Variants in CNTNAP2 observed in about 807,000 individuals in gnomAD.
The protein encoded by CNTNAP2 is contactin associated protein 2.
Under a neutral mutation model 155.2 loss-of-function variants are expected in CNTNAP2, and 98 were observed. That is an observed-to-expected ratio of 0.63 (90% CI 0.54 to 0.75). CNTNAP2 has a LOEUF of 0.75. CNTNAP2 is among the 30% of genes least tolerant of loss of function. The pLI, the probability that CNTNAP2 is intolerant of heterozygous loss-of-function variation, is 0.00. For missense variants in CNTNAP2, 1,727 were observed against 1,688.1 expected (o/e 1.02, Z -0.40); for synonymous variants, 651 against 631.2 (o/e 1.03, Z -0.47).
At chr7:147,852,980 A>G (rs1406227005) in intron 13 of CNTNAP2, among the ~76,000 whole-genome samples, 1 of 152,184 alleles carries the variant, frequency 6.6e-6, no homozygotes, top group Non-Finnish European at 1.5e-5. Flanking sequence ...AAGTTGGCCC[A>G]CAGATGGAAG....
chr7:148,258,119 G>A (rs1796488936), intron 20 of CNTNAP2, among the ~76,000 whole-genome samples: 1 of 152,338 alleles, frequency 6.6e-6, no homozygotes, highest in East Asian at 1.9e-4. Flanking sequence ...AAAGTCCAGA[G>A]GTGAGGTGTT....
At chr7:147,912,542 C>G (rs1325785474) in intron 14 of CNTNAP2, among the ~76,000 whole-genome samples, 1 of 152,200 alleles carries the variant, frequency 6.6e-6, no homozygotes, top group Non-Finnish European at 1.5e-5. Context: ...TTCAGCAAGA[C>G]TTGACAAGGA....
At chr7:147,213,667 G>A (rs949063382) in intron 8 of CNTNAP2, among the ~76,000 whole-genome samples, 1 of 152,028 alleles carries the variant, frequency 6.6e-6, no homozygotes, top group Non-Finnish European at 1.5e-5. Context: ...GATTTATTAG[G>A]GATACTAGCT....
At chr7:146,754,200 A>T (rs1201010379) in intron 1 of CNTNAP2, among the ~76,000 whole-genome samples, 1 of 152,026 alleles carries the variant, frequency 6.6e-6, no homozygotes, top group East Asian at 1.9e-4. Flanking sequence ...CAGAAGGTAT[A>T]CTCAAATGCT....
chr7:147,621,438 TAGAC>T (rs1478989657), intron 12 of CNTNAP2, among the ~76,000 whole-genome samples: 3 of 151,866 alleles, frequency 2.0e-5, no homozygotes, highest in African/African-American at 7.3e-5. Context: ...TTTGAAGACA[TAGAC>T]AGTACAATAA....
chr7:147,413,074 A>G (rs142860747), intron 10 of CNTNAP2, among the ~76,000 whole-genome samples: 6 of 152,308 alleles, frequency 3.9e-5, no homozygotes, highest in Admixed American at 2.0e-4. Context: ...CTTCCCACCT[A>G]TCCTCTTCGA....
intron 11 of CNTNAP2, among the ~76,000 whole-genome samples, chr7:147,507,510 G>A (rs1349848419): frequency 6.7e-6 from 1 of 149,794 alleles, no homozygotes; most frequent in Non-Finnish European, 1.5e-5. Context: ...TTATATAAAT[G>A]GGACATCTAT....
intron 1 of CNTNAP2, among the ~76,000 whole-genome samples, chr7:146,212,894 C>G (rs1799058186): frequency 6.6e-6 from 1 of 152,102 alleles, no homozygotes; most frequent in Non-Finnish European, 1.5e-5. Context: ...GCTAATATCT[C>G]CCCCTTACTG....
chr7:147,774,122 C>T (rs908311605), intron 13 of CNTNAP2, among the ~76,000 whole-genome samples: 6 of 152,052 alleles, frequency 3.9e-5, no homozygotes, highest in Admixed American at 3.9e-4. Flanking sequence ...TAATAATGCC[C>T]TTTTCTGCTT....
At chr7:146,901,202 G>A (rs1335611015) in intron 3 of CNTNAP2, among the ~76,000 whole-genome samples, 2 of 152,020 alleles carry the variant, frequency 1.3e-5, no homozygotes, top group African/African-American at 2.4e-5. Context: ...GGAATATTAT[G>A]GAGAAAATAA....
At chr7:147,772,479 TATATAC>T (rs1266643938) in intron 13 of CNTNAP2, among the ~76,000 whole-genome samples, 2 of 107,072 alleles carry the variant, frequency 1.9e-5, no homozygotes, top group African/African-American at 8.5e-5. Flanking sequence ...TATATATATA[TATATAC>T]ACACACAAAA....
Position 147,934,136 on chromosome 7 carries a change from C to T in CNTNAP2, c.2255+30415C>T, listed in dbSNP as rs140155278. Among the ~76,000 whole-genome samples the T allele has an allele frequency of 1.4e-3, 215 of 152,244 alleles. 1 individual carries two copies. The highest frequency in any genetic ancestry group is 4.5e-3 in the African/African-American group (185 of 41,538). ...AGATGGGTATACAACGTAGTGCTTA[C>T]GGTTAACAATACTGTACACTTAAAA... On this transcript the variant is annotated intron_variant, in intron 14 of 23. Coordinates refer to ENST00000361727, the MANE Select transcript of CNTNAP2 (RefSeq NM_014141.6).
At chr7:147,040,311 G>A (rs1799234477) in intron 3 of CNTNAP2, among the ~76,000 whole-genome samples, 1 of 152,144 alleles carries the variant, frequency 6.6e-6, no homozygotes, top group African/African-American at 2.4e-5. Flanking sequence ...AATGAAAGGT[G>A]AATGAATAAA....
At chr7:148,381,894 C>G (rs1421389893) in intron 21 of CNTNAP2, among the ~76,000 whole-genome samples, 1 of 152,114 alleles carries the variant, frequency 6.6e-6, no homozygotes, top group African/African-American at 2.4e-5. Context: ...GAATTGGTCC[C>G]AGCCAAGGGT....
chr7:146,169,307 A>T (rs1241368288), intron 1 of CNTNAP2, among the ~76,000 whole-genome samples: 1 of 152,226 alleles, frequency 6.6e-6, no homozygotes, highest in Non-Finnish European at 1.5e-5. Context: ...TATGTCAAGA[A>T]TCTAAAGTAG....
intron 10 of CNTNAP2, among the ~76,000 whole-genome samples, chr7:147,471,967 A>G (rs1401823128): frequency 6.6e-6 from 1 of 152,186 alleles, no homozygotes; most frequent in Admixed American, 6.5e-5. Context: ...ATCTTTTTGT[A>G]AAGATTGAGG....
At chr7:146,880,718 T>C (rs531306125) in intron 3 of CNTNAP2, among the ~76,000 whole-genome samples, 15 of 152,148 alleles carry the variant, frequency 9.9e-5, no homozygotes, top group Non-Finnish European at 1.6e-4. Flanking sequence ...CTGTGCTTGG[T>C]TTTCCCATTT....
At chr7:147,665,461 C>T (rs931707888) in intron 13 of CNTNAP2, among the ~76,000 whole-genome samples, 1 of 152,130 alleles carries the variant, frequency 6.6e-6, no homozygotes, top group Non-Finnish European at 1.5e-5. Context: ...TCTTTTCCTT[C>T]CTCTTATTTT....
intron 8 of CNTNAP2, among the ~76,000 whole-genome samples, chr7:147,229,629 A>T (rs896450378): frequency 6.6e-6 from 1 of 152,230 alleles, no homozygotes; most frequent in African/African-American, 2.4e-5. Flanking sequence ...AATTGAGAAC[A>T]ATGTTTTACT....
Sources: gnomAD v4.1 joint callset for allele counts (sites outside exome capture counted in the v4.1 genomes callset) on GRCh38, gnomAD v4.1.1 for gene constraint, MANE v1.5 for transcripts, NCBI Gene and HGNC (gene_info 2026-07-23, HGNC 2026-07-21) for gene names.